Variants in TMTC1 observed in about 807,000 individuals in gnomAD.
TMTC1 encodes the protein protein O-mannosyl-transferase TMTC1.
A neutral mutation model predicts 104.8 loss-of-function variants in TMTC1; 73 were observed. That is an observed-to-expected ratio of 0.70 (90% CI 0.58 to 0.85). The LOEUF (loss-of-function observed/expected upper bound fraction) is 0.85. TMTC1 is among the 40% of genes least tolerant of loss of function. The pLI is 0.00. For missense variants in TMTC1, 1,035 were observed against 1,096.1 expected (o/e 0.94, Z 0.79); for synonymous variants, 434 against 428.7 (o/e 1.01, Z -0.15).
intron 5 of TMTC1, among the ~76,000 whole-genome samples, chr12:29,695,815 AT>A (rs759168036): frequency 0.14 from 15,330 of 109,566 alleles, 1,404 homozygotes; most frequent in Middle Eastern, 0.19. Flanking sequence ...ATATATATAT[AT>A]ATATATATAT....
At chr12:29,527,006 T>C (rs1439349884) in intron 11 of TMTC1, among the ~76,000 whole-genome samples, 3 of 152,060 alleles carry the variant, frequency 2.0e-5, no homozygotes, top group Non-Finnish European at 4.4e-5. Flanking sequence ...TAAACTCTCT[T>C]TTGGATGCTG....
intron 5 of TMTC1, among the ~76,000 whole-genome samples, chr12:29,731,620 T>C (rs2033794): frequency 0.25 from 37,485 of 148,398 alleles, 5,087 homozygotes; most frequent in Middle Eastern, 0.34. Context: ...CCATGAGCAG[T>C]AGGATATAAA....
chr12:29,544,697 T>C (rs1347802913), intron 10 of TMTC1, among the ~76,000 whole-genome samples: 3 of 152,164 alleles, frequency 2.0e-5, no homozygotes, highest in East Asian at 1.9e-4. Flanking sequence ...CAAATATATA[T>C]GCTAAATCCT....
At chr12:29,623,048 T>C (rs7959535) in intron 6 of TMTC1, among the ~76,000 whole-genome samples, 2 of 152,060 alleles carry the variant, frequency 1.3e-5, no homozygotes, top group Non-Finnish European at 2.9e-5. Flanking sequence ...AAGTAAAACA[T>C]CTACTCTTTG....
intron 5 of TMTC1, among the ~76,000 whole-genome samples, chr12:29,710,881 A>G (rs1430708940): frequency 7.5e-6 from 1 of 132,886 alleles, no homozygotes; most frequent in Middle Eastern, 3.3e-3. Flanking sequence ...ATTATAAATT[A>G]TATTATTAAT....
At chr12:29,671,233 G>A (rs2136680438) in intron 5 of TMTC1, among the ~76,000 whole-genome samples, 1 of 151,534 alleles carries the variant, frequency 6.6e-6, no homozygotes, top group Middle Eastern at 3.4e-3. Flanking sequence ...GAGGCCTCCG[G>A]AGGTTGCAGT....
chr12:29,737,090 C>T (rs577835032), intron 5 of TMTC1, among the ~76,000 whole-genome samples: 40 of 152,362 alleles, frequency 2.6e-4, no homozygotes, highest in African/African-American at 9.6e-4. Flanking sequence ...ACGTCGCACC[C>T]GACATTTCAC....
At chr12:29,593,366 C>G (rs1282881438) in intron 7 of TMTC1, among the ~76,000 whole-genome samples, 1 of 152,174 alleles carries the variant, frequency 6.6e-6, no homozygotes, top group African/African-American at 2.4e-5. Flanking sequence ...ACTACTCTAT[C>G]AGTTACACAT....
At chr12:29,558,780 C>A (rs112029712) in intron 9 of TMTC1, among the ~76,000 whole-genome samples, 2,237 of 152,324 alleles carry the variant, frequency 0.015, 26 homozygotes, top group Non-Finnish European at 0.021. Flanking sequence ...TTACATCCAA[C>A]TTCAGTTCCT....
chr12:29,644,544 CA>C (rs1158595463), intron 5 of TMTC1, among the ~76,000 whole-genome samples: 1 of 152,026 alleles, frequency 6.6e-6, no homozygotes, highest in Non-Finnish European at 1.5e-5. Context: ...CAGAATAATT[CA>C]AAGACAGAAA....
intron 5 of TMTC1, among the ~76,000 whole-genome samples, chr12:29,729,097 C>T (rs529932667): frequency 2.6e-5 from 4 of 151,634 alleles, no homozygotes; most frequent in Non-Finnish European, 4.4e-5. Flanking sequence ...GTTCAAATCT[C>T]GACCCCTTTA....
intron 5 of TMTC1, among the ~76,000 whole-genome samples, chr12:29,700,867 C>G (rs1941569619): frequency 6.6e-6 from 1 of 152,122 alleles, no homozygotes; most frequent in Non-Finnish European, 1.5e-5. Flanking sequence ...TCTGTAAAGG[C>G]TGTTTTTTAA....
At position 29,655,172 on chromosome 12, in the gene TMTC1, C is replaced by T. The variant is rs538322781; in HGVS notation, c.939-21836G>A. 9.2e-5 allele frequency among the ~76,000 whole-genome samples: 14 copies of T among 152,212 alleles called. No homozygotes were observed. In the East Asian group the frequency reaches 1.5e-3, roughly 17 times the overall value. Reference sequence around the variant, plus strand: ...CTGGGATTACAGGTGTGAGCCACCGCACCTGGCCATATGATTCCATTTCTA... The same window carrying T: ...CTGGGATTACAGGTGTGAGCCACCGTACCTGGCCATATGATTCCATTTCTA... On this transcript the variant is annotated intron_variant, in intron 5 of 17. Transcript: ENST00000539277.
intron 5 of TMTC1, among the ~76,000 whole-genome samples, chr12:29,737,636 T>C (rs1487494192): frequency 6.6e-6 from 1 of 152,220 alleles, no homozygotes; most frequent in Admixed American, 6.5e-5. Context: ...TTCTAGAAGT[T>C]GCTCCTAAAT....
At chr12:29,584,411 T>G (rs1184046456) in intron 7 of TMTC1, among the ~76,000 whole-genome samples, 2 of 152,066 alleles carry the variant, frequency 1.3e-5, no homozygotes, top group African/African-American at 4.8e-5. Flanking sequence ...TTATTTTATT[T>G]TTTCTTACTT....
intron 11 of TMTC1, among the ~76,000 whole-genome samples, chr12:29,526,882 G>T (rs1324844480): frequency 6.6e-6 from 1 of 151,972 alleles, no homozygotes; most frequent in Non-Finnish European, 1.5e-5. Flanking sequence ...AGAATTTTAG[G>T]AATCTCATAA....
At chr12:29,535,993 A>C in intron 11 of TMTC1, 1 of 537,828 alleles carries the variant, frequency 1.9e-6, no homozygotes, top group South Asian at 2.4e-5. Flanking sequence ...ATCAATGGCC[A>C]ATAACGGACC....
At chr12:29,583,362 A>C in intron 8 of TMTC1, 45 bp downstream of exon 8, 1 of 1,566,814 alleles carries the variant, frequency 6.4e-7, no homozygotes, top group Non-Finnish European at 8.7e-7. Flanking sequence ...TTTGTAAGCA[A>C]AGAAATAAAC....
intron 5 of TMTC1, among the ~76,000 whole-genome samples, chr12:29,638,941 T>C (rs1422134237): frequency 6.6e-6 from 1 of 152,212 alleles, no homozygotes; most frequent in Admixed American, 6.5e-5. Context: ...GCCCCAGCCA[T>C]GACAGGCCTA....
Sources: allele counts gnomAD v4.1 joint callset (sites outside exome capture counted in the v4.1 genomes callset), GRCh38; gene constraint gnomAD v4.1.1; transcripts MANE v1.5; gene names NCBI Gene and HGNC (gene_info 2026-07-23, HGNC 2026-07-21).